Variants in EPHA7 observed in about 807,000 individuals in gnomAD.
EPHA7 encodes the protein EPH receptor A7.
EPHA7 carries 25 observed loss-of-function variants against 112.6 expected under a neutral mutation model. That is an observed-to-expected ratio of 0.22 (90% CI 0.16 to 0.31). The LOEUF is 0.31. EPHA7 is among the 10% of genes least tolerant of loss of function. The pLI is 1.00. For missense variants in EPHA7, 962 were observed against 1,212.6 expected (o/e 0.79, Z 3.07); for synonymous variants, 437 against 406.5 (o/e 1.07, Z -0.90).
At chr6:93,274,400 A>G (rs1039034576) in intron 5 of EPHA7, among the ~76,000 whole-genome samples, 1 of 151,940 alleles carries the variant, frequency 6.6e-6, no homozygotes, top group African/African-American at 2.4e-5. Flanking sequence ...TTTGCAAGTT[A>G]TACACTAAAA....
chr6:93,383,906 T>C (rs1056530757), intron 3 of EPHA7, among the ~76,000 whole-genome samples: 15 of 152,108 alleles, frequency 9.9e-5, no homozygotes, highest in African/African-American at 3.6e-4. Flanking sequence ...CAGGCTGATC[T>C]CAAACTCCTA....
At chr6:93,255,237 A>G (rs1770386220) in intron 13 of EPHA7, among the ~76,000 whole-genome samples, 1 of 151,848 alleles carries the variant, frequency 6.6e-6, no homozygotes, top group African/African-American at 2.4e-5. Context: ...TATCCTAGCT[A>G]CTCGGAAGGC....
At chr6:93,415,438 T>G (rs1376683049) in intron 1 of EPHA7, among the ~76,000 whole-genome samples, 1 of 152,046 alleles carries the variant, frequency 6.6e-6, no homozygotes, top group Non-Finnish European at 1.5e-5. Context: ...GTATCAACTC[T>G]GACTTCTAAT....
At chr6:93,283,174 G>C (rs548770428) in intron 5 of EPHA7, among the ~76,000 whole-genome samples, 4 of 152,154 alleles carry the variant, frequency 2.6e-5, no homozygotes, top group Non-Finnish European at 4.4e-5. Flanking sequence ...ACACCAATCA[G>C]CACTCTGTGT....
chr6:93,294,981 C>G lies in EPHA7; in HGVS notation c.1325-22559G>C, dbSNP rs539477974. Reference sequence around the variant, plus strand: ...ATTGACTTTTTCTAAGAAAAATTTCCAAATCATACAGTGTGTTTACTTTTT... The same window carrying G: ...ATTGACTTTTTCTAAGAAAAATTTCGAAATCATACAGTGTGTTTACTTTTT... On this transcript the variant is annotated intron_variant, in intron 5 of 16. Transcript: ENST00000369303. Among the ~76,000 whole-genome samples, 9 of 151,422 alleles carry G rather than the reference C, an allele frequency of 5.9e-5. No homozygotes were observed. In the South Asian group the frequency reaches 1.7e-3, roughly 28 times the overall value.
rs188157552 is a variant in EPHA7 at position 93,298,033 on chromosome 6, A to T, written c.1325-25611T>A. ...AGATTCTTTCAAAGACATGTTTGGTATATCAATATCTGTGAAACAGATATC... is the reference window on the plus strand; with the variant it reads ...AGATTCTTTCAAAGACATGTTTGGTTTATCAATATCTGTGAAACAGATATC... On this transcript the variant is annotated intron_variant, in intron 5 of 16. Coordinates refer to ENST00000369303, the MANE Select transcript of EPHA7 (RefSeq NM_004440.4). Among the ~76,000 whole-genome samples the T allele has an allele frequency of 5.0e-3, 768 of 152,296 alleles. 6 individuals carry two copies. Among genetic ancestry groups the T allele is most frequent in the African/African-American group, 0.018 (736 of 41,568 alleles).
intron 3 of EPHA7, among the ~76,000 whole-genome samples, chr6:93,403,899 T>G (rs1325777122): frequency 1.3e-5 from 2 of 152,026 alleles, no homozygotes; most frequent in East Asian, 3.9e-4. Context: ...ATAATTAAAG[T>G]ATAATAGAAA....
At chr6:93,362,859 T>A (rs1582597763) in intron 3 of EPHA7, among the ~76,000 whole-genome samples, 1 of 152,168 alleles carries the variant, frequency 6.6e-6, no homozygotes, top group African/African-American at 2.4e-5. Context: ...TTATGACCTA[T>A]AATTGCATGC....
chr6:93,261,761 C>T (rs915018425), intron 9 of EPHA7, among the ~76,000 whole-genome samples: 1 of 151,424 alleles, frequency 6.6e-6, no homozygotes, highest in Non-Finnish European at 1.5e-5. Flanking sequence ...TTATATACAG[C>T]AAGTTTATCT....
intron 5 of EPHA7, among the ~76,000 whole-genome samples, chr6:93,304,664 T>C (rs1357162629): frequency 4.6e-5 from 7 of 152,100 alleles, no homozygotes; most frequent in Admixed American, 3.3e-4. Context: ...AACCCAGAGT[T>C]AGATTATGTC....
At chr6:93,384,009 T>C (rs1030686780) in intron 3 of EPHA7, among the ~76,000 whole-genome samples, 1 of 152,128 alleles carries the variant, frequency 6.6e-6, no homozygotes, top group Admixed American at 6.5e-5. Context: ...TTGGAGGACA[T>C]ATAATATATA....
At chr6:93,367,928 C>G (rs2127956838) in intron 3 of EPHA7, among the ~76,000 whole-genome samples, 1 of 152,084 alleles carries the variant, frequency 6.6e-6, no homozygotes, top group South Asian at 2.1e-4. Context: ...AACCACTTTC[C>G]CTATTCCCAA....
At chr6:93,417,964 G>A (rs77832067) in intron 1 of EPHA7, among the ~76,000 whole-genome samples, 2,900 of 152,074 alleles carry the variant, frequency 0.019, 99 homozygotes, top group African/African-American at 0.067. Flanking sequence ...ATAAAGAAAA[G>A]GTGCACTAAG....
chr6:93,419,141 C>G (rs997245269), intron 1 of EPHA7, 104 bp downstream of exon 1: 1 of 921,558 alleles, frequency 1.1e-6, no homozygotes. Context: ...GGAGGGTCGC[C>G]CGGCGCCGGA....
intron 5 of EPHA7, among the ~76,000 whole-genome samples, chr6:93,315,038 A>AT (rs1344419045): frequency 6.7e-6 from 1 of 148,636 alleles, no homozygotes; most frequent in East Asian, 2.0e-4. Flanking sequence ...AATTTTTTGT[A>AT]TTTTTAGTAG....
chr6:93,305,915 G>A (rs1396908866), intron 5 of EPHA7, among the ~76,000 whole-genome samples: 1 of 151,800 alleles, frequency 6.6e-6, no homozygotes, highest in Non-Finnish European at 1.5e-5. Context: ...GAGATATTCA[G>A]TACTTACCTA....
At chr6:93,269,070 C>T (rs866468837) in intron 7 of EPHA7, among the ~76,000 whole-genome samples, 35 of 151,792 alleles carry the variant, frequency 2.3e-4, no homozygotes, top group African/African-American at 8.2e-4. Context: ...TACCATCTTT[C>T]TCTTGTCCAC....
chr6:93,291,570 C>T (rs1772370932), intron 5 of EPHA7, among the ~76,000 whole-genome samples: 2 of 150,846 alleles, frequency 1.3e-5, no homozygotes, highest in South Asian at 4.2e-4. Context: ...AGATCGAGAC[C>T]ATCCCGGCTA....
At chr6:93,287,076 AG>A (rs1244034493) in intron 5 of EPHA7, among the ~76,000 whole-genome samples, 1 of 152,218 alleles carries the variant, frequency 6.6e-6, no homozygotes, top group African/African-American at 2.4e-5. Context: ...TTTGGCACTT[AG>A]TATATGCTAA....
Sources: allele counts gnomAD v4.1 joint callset (sites outside exome capture counted in the v4.1 genomes callset), GRCh38; gene constraint gnomAD v4.1.1; transcripts MANE v1.5; gene names NCBI Gene and HGNC (gene_info 2026-07-23, HGNC 2026-07-21).